Variants in PCSK2 observed in about 807,000 individuals in gnomAD.
PCSK2 encodes the protein proprotein convertase subtilisin/kexin type 2.
PCSK2 carries 14 observed loss-of-function variants against 69.7 expected under a neutral mutation model. The ratio of observed to expected loss-of-function variants is 0.20; its 90% CI spans 0.13 to 0.31. The LOEUF is 0.31. Ranked by LOEUF, PCSK2 falls within the 10% of genes least tolerant of loss-of-function variation. The pLI is 1.00. For missense variants in PCSK2, 544 were observed against 842.5 expected, an observed-to-expected ratio of 0.65 and a Z score of 4.39; for synonymous variants, 307 against 320.7, an observed-to-expected ratio of 0.96 and a Z score of 0.46.
intron 2 of PCSK2, among the ~76,000 whole-genome samples, chr20:17,267,482 G>A (rs980060706): frequency 6.6e-5 from 10 of 152,150 alleles, no homozygotes; most frequent in African/African-American, 2.4e-4. Context: ...AATGTGGCAG[G>A]GAGGACTTTC....
intron 2 of PCSK2, among the ~76,000 whole-genome samples, chr20:17,303,322 ATATC>A (rs1199839718): frequency 1.5e-5 from 2 of 136,192 alleles, no homozygotes; most frequent in Admixed American, 8.1e-5. Flanking sequence ...ATAACCATAT[ATATC>A]TATTACATAT....
At chr20:17,294,098 CTTTTTTTTTTTT>C (rs34805695) in intron 2 of PCSK2, among the ~76,000 whole-genome samples, 7 of 73,960 alleles carry the variant, frequency 9.5e-5, no homozygotes, top group Non-Finnish European at 1.2e-4. Context: ...AAAGTATTTT[CTTTTTTTTTTTT>C]TTTTTTTTTT....
intron 6 of PCSK2, among the ~76,000 whole-genome samples, chr20:17,411,944 G>C (rs1372536857): frequency 6.6e-6 from 1 of 152,230 alleles, no homozygotes; most frequent in Non-Finnish European, 1.5e-5. Context: ...GGACCTGACT[G>C]TTAGAAGGAA....
At chr20:17,458,988 G>A (rs1477049984) in intron 10 of PCSK2, among the ~76,000 whole-genome samples, 1 of 152,000 alleles carries the variant, frequency 6.6e-6, no homozygotes, top group Non-Finnish European at 1.5e-5. Flanking sequence ...TAGGCTCGAG[G>A]GGTAGATGTC....
intron 5 of PCSK2, among the ~76,000 whole-genome samples, chr20:17,396,245 C>A (rs1211454889): frequency 6.6e-6 from 1 of 152,164 alleles, no homozygotes; most frequent in Non-Finnish European, 1.5e-5. Context: ...GACTGTACAC[C>A]CAGTCTTTGT....
At chr20:17,436,144 A>G (rs1359821231) in intron 7 of PCSK2, among the ~76,000 whole-genome samples, 1 of 152,154 alleles carries the variant, frequency 6.6e-6, no homozygotes, top group Non-Finnish European at 1.5e-5. Flanking sequence ...TAGAATAGCC[A>G]TCTCTGCCTT....
intron 2 of PCSK2, among the ~76,000 whole-genome samples, chr20:17,267,470 A>C (rs1987663577): frequency 6.6e-6 from 1 of 152,184 alleles, no homozygotes; most frequent in African/African-American, 2.4e-5. Context: ...CTCTGCTTTC[A>C]GAATGTGGCA....
At chr20:17,347,489 C>T (rs1990681092) in intron 2 of PCSK2, among the ~76,000 whole-genome samples, 1 of 152,092 alleles carries the variant, frequency 6.6e-6, no homozygotes, top group African/African-American at 2.4e-5. Flanking sequence ...GGGGGTTTCT[C>T]GCTTGATGAG....
At chr20:17,381,714 T>C (rs934886665) in intron 5 of PCSK2, among the ~76,000 whole-genome samples, 6 of 152,210 alleles carry the variant, frequency 3.9e-5, no homozygotes, top group African/African-American at 1.2e-4. Flanking sequence ...CTTCTGAGAA[T>C]GTTCAAGGCG....
intron 5 of PCSK2, among the ~76,000 whole-genome samples, chr20:17,370,112 G>A (rs2030713591): frequency 2.0e-5 from 3 of 152,172 alleles, no homozygotes; most frequent in Admixed American, 1.3e-4. Flanking sequence ...TAACCCCAGG[G>A]AGTACAAGAT....
At chr20:17,427,234 T>A (rs2032266900) in intron 6 of PCSK2, among the ~76,000 whole-genome samples, 2 of 152,210 alleles carry the variant, frequency 1.3e-5, no homozygotes, top group Admixed American at 1.3e-4. Context: ...GTTTTATTCA[T>A]ATTGCTGGAT....
chr20:17,272,743 C>T (rs1987919623), intron 2 of PCSK2, among the ~76,000 whole-genome samples: 1 of 152,020 alleles, frequency 6.6e-6, no homozygotes, highest in African/African-American at 2.4e-5. Flanking sequence ...AAAGGAAATT[C>T]TAAAGCACCC....
At chr20:17,295,286 T>A (rs148101958) in intron 2 of PCSK2, among the ~76,000 whole-genome samples, 2 of 151,560 alleles carry the variant, frequency 1.3e-5, no homozygotes, top group East Asian at 3.9e-4. Flanking sequence ...TTGTTTTAAA[T>A]GCCATTATTA....
At chr20:17,364,876 G>A (rs916606075) in intron 4 of PCSK2, among the ~76,000 whole-genome samples, 8 of 152,126 alleles carry the variant, frequency 5.3e-5, no homozygotes, top group African/African-American at 7.2e-5. Flanking sequence ...CACTCCTATC[G>A]CTGGTGGTTG....
At chr20:17,472,434 G>GA (rs1218074694) in intron 11 of PCSK2, among the ~76,000 whole-genome samples, 13 of 152,222 alleles carry the variant, frequency 8.5e-5, no homozygotes, top group African/African-American at 3.1e-4. Context: ...AGGGGGAGGA[G>GA]AAAACCTCAC....
chr20:17,342,782 C>T (rs541253563), intron 2 of PCSK2, among the ~76,000 whole-genome samples: 105 of 152,154 alleles, frequency 6.9e-4, no homozygotes, highest in Non-Finnish European at 1.2e-3. Context: ...TAGGTGCGCA[C>T]CACCACACCT....
At position 17,438,369 on chromosome 20, in the gene PCSK2, T is replaced by TA. The variant is rs1260675212; in HGVS notation, c.885+1492dup. Among the ~76,000 whole-genome samples, 6 of 152,096 alleles carry TA rather than the reference T, an allele frequency of 3.9e-5. No homozygotes were observed. The East Asian group carries it at 9.6e-4, about 24-fold the overall frequency. On this transcript the variant is annotated intron_variant, in intron 8 of 11. Coordinates refer to ENST00000262545, the MANE Select transcript of PCSK2 (RefSeq NM_002594.5). ...CAGAACGCTATGTTTAACGCAGGCA[T>TA]AAAAAAGAGAATATTGAAGAAAATA...
chr20:17,473,789 G>A (rs930542779), intron 11 of PCSK2, among the ~76,000 whole-genome samples: 15 of 152,092 alleles, frequency 9.9e-5, no homozygotes, highest in African/African-American at 2.9e-4. Flanking sequence ...TACCAAGTTC[G>A]CTGCCTCTGG....
chr20:17,393,389 GAA>G (rs2031433341), intron 5 of PCSK2, among the ~76,000 whole-genome samples: 1 of 151,520 alleles, frequency 6.6e-6, no homozygotes, highest in African/African-American at 2.4e-5. Flanking sequence ...TGATTTTTTG[GAA>G]AATATATGCA....
Sources: allele counts gnomAD v4.1 joint callset (sites outside exome capture counted in the v4.1 genomes callset), GRCh38; gene constraint gnomAD v4.1.1; transcripts MANE v1.5; gene names NCBI Gene and HGNC (gene_info 2026-07-23, HGNC 2026-07-21).